The following PTPRD variants were observed in gnomAD, a reference collection of about 807,000 sequenced individuals.
PTPRD encodes receptor-type tyrosine-protein phosphatase delta.
In PTPRD, 34 loss-of-function variants were observed where a neutral mutation model predicts 214.5. The ratio of observed to expected loss-of-function variants is 0.16; its 90% CI spans 0.12 to 0.21. The LOEUF (loss-of-function observed/expected upper bound fraction) is 0.21. Ranked by LOEUF, PTPRD falls within the 10% of genes least tolerant of loss-of-function variation. The probability of loss-of-function intolerance (pLI) is 1.00; values close to 1 mark genes in which losing one functional copy is unlikely to be tolerated. For synonymous variants in PTPRD, 1,128 were observed against 845.7 expected (o/e 1.33, Z -5.79); for missense variants, 2,545 against 2,398.7 (o/e 1.06, Z -1.27).
chr9:9,114,310 T>C (rs2099810075), intron 10 of PTPRD, among the ~76,000 whole-genome samples: 1 of 152,150 alleles, frequency 6.6e-6, no homozygotes, highest in Non-Finnish European at 1.5e-5. Flanking sequence ...TATATCTCCA[T>C]AATGAAACAA....
At chr9:9,739,344 T>C (rs2098359770) in intron 6 of PTPRD, among the ~76,000 whole-genome samples, 1 of 152,214 alleles carries the variant, frequency 6.6e-6, no homozygotes, top group Non-Finnish European at 1.5e-5. Flanking sequence ...AGCACACTTC[T>C]ATAAGAATGT....
chr9:8,743,852 C>T (rs1382858586), intron 11 of PTPRD, among the ~76,000 whole-genome samples: 1 of 150,438 alleles, frequency 6.6e-6, no homozygotes, highest in Non-Finnish European at 1.5e-5. Context: ...TAACAGACAA[C>T]CTACAGAGTG....
intron 7 of PTPRD, among the ~76,000 whole-genome samples, chr9:9,678,298 A>G (rs1156644334): frequency 6.6e-6 from 1 of 152,140 alleles, no homozygotes; most frequent in Non-Finnish European, 1.5e-5. Flanking sequence ...TGGAGGCATC[A>G]TGCTACCTGA....
At chr9:8,425,669 G>GT (rs140380255) in intron 35 of PTPRD, among the ~76,000 whole-genome samples, 26,016 of 151,428 alleles carry the variant, frequency 0.17, 2,685 homozygotes, top group Non-Finnish European at 0.23. Flanking sequence ...TTGTTTTTTT[G>GT]TTTTTTTTCT....
At chr9:9,548,397 C>CTT (rs1184128772) in intron 8 of PTPRD, among the ~76,000 whole-genome samples, 3 of 134,578 alleles carry the variant, frequency 2.2e-5, no homozygotes, top group African/African-American at 5.4e-5. Flanking sequence ...GTATATGTGA[C>CTT]TTTTTTTCTT....
chr9:9,718,867 C>G (rs1028306087), intron 7 of PTPRD, among the ~76,000 whole-genome samples: 2 of 152,144 alleles, frequency 1.3e-5, no homozygotes, highest in Non-Finnish European at 2.9e-5. Context: ...TGGTGTTGAC[C>G]CTCGGCAAAG....
chr9:9,780,680 G>A (rs904780425), intron 5 of PTPRD, among the ~76,000 whole-genome samples: 1 of 152,060 alleles, frequency 6.6e-6, no homozygotes, highest in Non-Finnish European at 1.5e-5. Context: ...CACACACCTA[G>A]GTATTTATCA....
intron 4 of PTPRD, among the ~76,000 whole-genome samples, chr9:9,981,816 T>A (rs1191388397): frequency 6.6e-6 from 1 of 152,182 alleles, no homozygotes; most frequent in Non-Finnish European, 1.5e-5. Flanking sequence ...ATAACAACTA[T>A]CATCTAAAAT....
intron 25 of PTPRD, among the ~76,000 whole-genome samples, chr9:8,499,257 A>G (rs918501930): frequency 1.3e-5 from 2 of 152,196 alleles, no homozygotes; most frequent in African/African-American, 4.8e-5. Flanking sequence ...AATTAGAACA[A>G]CTAAGTTGCA....
At chr9:9,465,687 A>G (rs1284512250) in intron 8 of PTPRD, among the ~76,000 whole-genome samples, 2 of 152,136 alleles carry the variant, frequency 1.3e-5, no homozygotes, top group Admixed American at 1.3e-4. Flanking sequence ...TTCTGGATCT[A>G]GAAAAGGCAC....
At chr9:10,434,749 A>G (rs1439262890) in intron 2 of PTPRD, among the ~76,000 whole-genome samples, 1 of 151,902 alleles carries the variant, frequency 6.6e-6, no homozygotes. Context: ...TCTGCATGTA[A>G]TTTGTTTTGT....
intron 11 of PTPRD, among the ~76,000 whole-genome samples, chr9:8,988,674 C>T (rs1014364484): frequency 8.0e-5 from 12 of 150,448 alleles, no homozygotes; most frequent in African/African-American, 1.9e-4. Context: ...ATTAACATTA[C>T]GATTTTTTTA....
At chr9:9,759,029 A>G (rs1042321483) in intron 6 of PTPRD, among the ~76,000 whole-genome samples, 13 of 152,168 alleles carry the variant, frequency 8.5e-5, no homozygotes, top group Non-Finnish European at 1.5e-4. Flanking sequence ...AAAAAGTTGT[A>G]TCATTTTATA....
intron 4 of PTPRD, among the ~76,000 whole-genome samples, chr9:9,966,308 A>G (rs918335131): frequency 1.1e-4 from 16 of 152,172 alleles, no homozygotes; most frequent in African/African-American, 3.6e-4. Flanking sequence ...CACATTTACT[A>G]AAATCTTCAG....
intron 10 of PTPRD, among the ~76,000 whole-genome samples, chr9:9,069,540 C>CCTTAA (rs1233537121): frequency 6.6e-6 from 1 of 152,078 alleles, no homozygotes; most frequent in African/African-American, 2.4e-5. Context: ...CATGATGCTA[C>CCTTAA]CTTAACTGTT....
intron 9 of PTPRD, among the ~76,000 whole-genome samples, chr9:9,279,989 T>G (rs2133481381): frequency 6.6e-6 from 1 of 151,438 alleles, no homozygotes; most frequent in African/African-American, 2.4e-5. Flanking sequence ...TGACTGTTTC[T>G]ATATTGATAG....
chr9:9,354,178 C>G (rs2052682341), intron 9 of PTPRD, among the ~76,000 whole-genome samples: 1 of 151,662 alleles, frequency 6.6e-6, no homozygotes, highest in Non-Finnish European at 1.5e-5. Context: ...ATGATGGTTC[C>G]TCTTTCTTAA....
chr9:9,969,298 G>C (rs1026930092), intron 4 of PTPRD, among the ~76,000 whole-genome samples: 2 of 152,056 alleles, frequency 1.3e-5, no homozygotes, highest in African/African-American at 4.8e-5. Flanking sequence ...ACACTAGCAA[G>C]GACCAAGTCC....
At chr9:10,528,727 ACTT>A (rs2055131102) in intron 2 of PTPRD, among the ~76,000 whole-genome samples, 1 of 152,218 alleles carries the variant, frequency 6.6e-6, no homozygotes, top group Non-Finnish European at 1.5e-5. Flanking sequence ...TATAATCCTG[ACTT>A]CTTCTGAAGG....
Sources: allele counts gnomAD v4.1 joint callset (sites outside exome capture counted in the v4.1 genomes callset), GRCh38; gene constraint gnomAD v4.1.1; transcripts MANE v1.5; gene names NCBI Gene and HGNC (gene_info 2026-07-23, HGNC 2026-07-21).